The following MGA variants were observed in gnomAD, a reference collection of about 807,000 sequenced individuals.
The protein encoded by MGA is MAX gene-associated protein.
Under a neutral mutation model 261.1 loss-of-function variants are expected in MGA, and 40 were observed. That is an observed-to-expected ratio of 0.15 (90% confidence interval 0.12 to 0.20). The LOEUF (loss-of-function observed/expected upper bound fraction) is 0.20, where lower values mean the gene tolerates loss of function less well. Among genes scored for constraint, MGA ranks in the 10% least tolerant of loss-of-function variants. The pLI, the probability that MGA is intolerant of heterozygous loss-of-function variation, is 1.00. For missense variants in MGA, 3,397 were observed against 3,630.5 expected (o/e 0.94, Z 1.65); for synonymous variants, 1,302 against 1,290.6 (o/e 1.01, Z -0.19).
At chr15:41,640,561 C>G (rs1006888084) in intron 1 of MGA, among the ~76,000 whole-genome samples, 1 of 152,054 alleles carries the variant, frequency 6.6e-6, no homozygotes. Context: ...GCTCTGTCGC[C>G]CAGGCTGGAA....
chr15:41,625,176 A>G (rs1314925008), intron 1 of MGA, among the ~76,000 whole-genome samples: 5 of 152,150 alleles, frequency 3.3e-5, no homozygotes, highest in Non-Finnish European at 4.4e-5. Context: ...ACTAAGCATG[A>G]CTGTCGAGGC....
chr15:41,766,464 A>G lies in MGA; in HGVS notation c.8382A>G (p.Lys2794=), dbSNP rs1466024650. Residue 2794 remains lysine, a synonymous_variant, in exon 24 of 24, where the codon AAA becomes AAG. Transcript: ENST00000219905. ...CAAGCATAGAGATGGAACTGAGGAA[A>G]GTAACATCAGCTATAGAGGAAGCAG... 9 of 1,614,016 alleles carry G rather than the reference A, an allele frequency of 5.6e-6. No individual in the cohort carries two copies. Among genetic ancestry groups the G allele is most frequent in the South Asian group, 1.1e-5 (1 of 91,088 alleles).
chr15:41,629,886 TTGAC>T (rs1177378927), intron 1 of MGA, among the ~76,000 whole-genome samples: 3 of 152,180 alleles, frequency 2.0e-5, no homozygotes, highest in Non-Finnish European at 2.9e-5. Context: ...CAGGACCAAA[TTGAC>T]TGAGCAACAT....
At chr15:41,672,499 T>G (rs1032288363) in intron 2 of MGA, among the ~76,000 whole-genome samples, 2 of 152,206 alleles carry the variant, frequency 1.3e-5, no homozygotes, top group Non-Finnish European at 2.9e-5. Flanking sequence ...GGATTACATA[T>G]GGTTAAGCCT....
intron 2 of MGA, among the ~76,000 whole-genome samples, chr15:41,675,660 AGCCACTGTGCCCG>A (rs1383518454): frequency 6.6e-6 from 1 of 152,182 alleles, no homozygotes; most frequent in African/African-American, 2.4e-5. Flanking sequence ...TACGGGAGTG[AGCCACTGTGCCCG>A]GCTCTTTAGA....
rs191138791 is a variant in MGA, at chr15:41,635,311, G to A, written c.-68+14013G>A. On this transcript the variant is annotated intron_variant, in intron 1 of 8. Coordinates refer to the MGA transcript ENST00000566718. ...GTCCTACCACTGCACTCCAGCCTGG[G>A]CAACAGAGAAAGACTCTGTCTCAAA... Among the ~76,000 whole-genome samples the A allele has an allele frequency of 5.0e-3, 765 of 152,200 alleles. 2 individuals carry two copies. The highest frequency in any genetic ancestry group is 7.9e-3 in the Admixed American group (120 of 15,260).
rs1224249139 is a variant in MGA at position 41,760,368 on chromosome 15, A to G, written c.7237A>G (p.Lys2413Glu). 2 of 1,614,038 alleles carry G rather than the reference A, an allele frequency of 1.2e-6. No individual in the cohort carries two copies. Among genetic ancestry groups the G allele is most frequent in the Admixed American group, 3.3e-5 (2 of 60,028 alleles). Residue 2413 changes from lysine to glutamate, a missense_variant, in exon 20 of 24, where the codon AAA (lysine) becomes GAA (glutamate). Lys to Glu is a moderately conservative substitution (Grantham distance 56, BLOSUM62 1). Coordinates refer to ENST00000219905, the MANE Select transcript of MGA (RefSeq NM_001164273.2). ...ACTGAAGCCTGATTACTGGAGTGAC[A>G]AACTACAGAAAGAAGCAGAAGCGTT...
At position 41,767,143 on chromosome 15, in the gene MGA, G is replaced by C; in HGVS notation, c.9061G>C (p.Val3021Leu). The change falls in exon 24 of 24, where the codon GTT becomes CTT. Residue 3021 changes from valine (V) to leucine (L), a missense_variant. This residue lies in a region of MGA where 647 missense variants were observed against 642.4 expected (regional missense o/e 1.01). Transcript: ENST00000219905. Reference sequence around the variant, plus strand: ...TTGTTTGGCACCTATAGCTGCCAAAGTTGGGTCAGTTGGACACAAAATGAA... The same window carrying C: ...TTGTTTGGCACCTATAGCTGCCAAACTTGGGTCAGTTGGACACAAAATGAA... 6.2e-7 allele frequency: 1 copy of C among 1,614,002 alleles called. No individual in the cohort carries two copies. Among genetic ancestry groups the C allele is most frequent in the Non-Finnish European group, 8.5e-7 (1 of 1,179,872 alleles).
intron 2 of MGA, 79 bp from the exon 3 acceptor site, chr15:41,695,996 C>CTTTTT: frequency 1.1e-6 from 1 of 870,354 alleles, no homozygotes. Context: ...TTCCTAACAT[C>CTTTTT]TTTTTTTTTT....
At chr15:41,697,580 C>A (rs1182169401) in intron 3 of MGA, among the ~76,000 whole-genome samples, 1 of 152,054 alleles carries the variant, frequency 6.6e-6, no homozygotes, top group Non-Finnish European at 1.5e-5. Context: ...CCACACCCAG[C>A]TAATTTTTGT....
At chr15:41,688,752 T>C (rs1180677018) in intron 2 of MGA, among the ~76,000 whole-genome samples, 2 of 152,206 alleles carry the variant, frequency 1.3e-5, no homozygotes, top group Non-Finnish European at 1.5e-5. Context: ...GTTGCATTTG[T>C]CTACTCAGGC....
chr15:41,730,964 C>T (rs967323284), intron 11 of MGA, among the ~76,000 whole-genome samples: 1 of 152,050 alleles, frequency 6.6e-6, no homozygotes, highest in Non-Finnish European at 1.5e-5. Flanking sequence ...GATTATTTTG[C>T]AGAGATAAAG....
At chr15:41,669,980 C>G in intron 2 of MGA, 22 bp downstream of exon 2, 2 of 1,571,228 alleles carry the variant, frequency 1.3e-6, no homozygotes, top group Non-Finnish European at 1.7e-6. Context: ...TTTTTCTGTT[C>G]TTAGAAATAA....
At chr15:41,720,499 C>T (rs2060882183) in intron 9 of MGA, among the ~76,000 whole-genome samples, 1 of 152,106 alleles carries the variant, frequency 6.6e-6, no homozygotes, top group Non-Finnish European at 1.5e-5. Flanking sequence ...AGTGCCACTG[C>T]ACTCCAGCCT....
intron 3 of MGA, among the ~76,000 whole-genome samples, chr15:41,697,990 T>A (rs1289783472): frequency 6.6e-6 from 1 of 151,972 alleles, no homozygotes; most frequent in East Asian, 1.9e-4. Context: ...TGCCTCAGAC[T>A]CCCGAGTAGC....
chr15:41,723,866 A>G (rs2061084525), intron 9 of MGA, among the ~76,000 whole-genome samples: 1 of 152,140 alleles, frequency 6.6e-6, no homozygotes. Context: ...TGACAGATTA[A>G]CCATTTCCTA....
intron 22 of MGA, among the ~76,000 whole-genome samples, chr15:41,762,764 C>T (rs2063555948): frequency 6.6e-6 from 1 of 151,788 alleles, no homozygotes; most frequent in Non-Finnish European, 1.5e-5. Context: ...CAACCACACC[C>T]AGCCCACAGT....
chr15:41,655,741 A>C (rs1405909725), upstream of MGA, among the ~76,000 whole-genome samples: 1 of 152,198 alleles, frequency 6.6e-6, no homozygotes, highest in African/African-American at 2.4e-5. Flanking sequence ...ACATTTATCT[A>C]TTCCCCTAAA....
At chr15:41,653,453 G>C (rs368950682) in intron 1 of MGA, among the ~76,000 whole-genome samples, 6 of 151,628 alleles carry the variant, frequency 4.0e-5, no homozygotes, top group Non-Finnish European at 7.4e-5. Flanking sequence ...CCAGTGGTTA[G>C]ATCACAGCTA....
Sources: gnomAD v4.1 joint callset for allele counts (sites outside exome capture counted in the v4.1 genomes callset) on GRCh38, gnomAD v4.1.1 for gene constraint, gnomAD v4.1.1 regional missense constraint, MANE v1.5 for transcripts, NCBI Gene and HGNC (gene_info 2026-07-23, HGNC 2026-07-21) for gene names.